Variants in KIAA1217 observed in about 807,000 individuals in gnomAD.
The protein encoded by KIAA1217 is KIAA1217, also known as sickle tail protein homolog.
KIAA1217 carries 88 observed loss-of-function variants against 163.9 expected under a neutral mutation model. That is an observed-to-expected ratio of 0.54 (90% CI 0.45 to 0.64). The LOEUF (loss-of-function observed/expected upper bound fraction) is 0.64. Among genes scored for constraint, KIAA1217 ranks in the 30% least tolerant of loss-of-function variants. The pLI is 0.00. For synonymous variants in KIAA1217, 903 were observed against 923.1 expected (o/e 0.98, Z 0.39); for missense variants, 2,372 against 2,475.0 (o/e 0.96, Z 0.88).
In KIAA1217 at chr10:23,857,656, A is replaced by T. The variant is rs186617776; in HGVS notation, c.-320-149569A>T. 1.4e-3 allele frequency among the ~76,000 whole-genome samples: 220 copies of T among 152,260 alleles called. 1 individual carries two copies. Among genetic ancestry groups the T allele is most frequent in the African/African-American group, 5.2e-3 (214 of 41,550 alleles). ...ATAATAAACGGTTTGCACGCTTTTG[A>T]TGCATAGCTAGTTAGGAAACCACAT... On this transcript the variant is annotated intron_variant, in intron 1 of 18. Transcript: ENST00000376462.
chr10:23,889,823 A>AT lies in KIAA1217; in HGVS notation c.-320-117395dup, dbSNP rs986889230. Among the ~76,000 whole-genome samples the AT allele has an allele frequency of 5.3e-5, 8 of 151,772 alleles. No homozygotes were observed. In the East Asian group the frequency reaches 1.6e-3, roughly 30 times the overall value. ...AAATACAATTAATTTTTGTGCATTG[A>AT]TTTTTTTGCATTATTCAACATTGCT... On this transcript the variant is annotated intron_variant, in intron 1 of 18. Coordinates refer to the KIAA1217 transcript ENST00000376462.
chr10:24,334,496 A>G (rs2046108417), intron 2 of KIAA1217, among the ~76,000 whole-genome samples: 3 of 140,476 alleles, frequency 2.1e-5, no homozygotes, highest in South Asian at 4.8e-4. Context: ...ACTTACTTGA[A>G]TTGGCATTTT....
chr10:24,013,271 G>T (rs533003256), intron 2 of KIAA1217, among the ~76,000 whole-genome samples: 1 of 151,880 alleles, frequency 6.6e-6, no homozygotes, highest in African/African-American at 2.4e-5. Flanking sequence ...GACAAGCTTC[G>T]TTTGGGCATG....
chr10:24,533,120 T>G lies in KIAA1217; in HGVS notation c.3297T>G (p.Tyr1099Ter). The G allele has an allele frequency of 6.2e-7, 1 of 1,613,936 alleles. No homozygotes were observed. The highest frequency in any genetic ancestry group is 8.5e-7 in the Non-Finnish European group (1 of 1,179,974). ...GPSPQTRATKYPAEEPASAWT... is the reference protein window; with the variant it reads ...GPSPQTRATK ...GCCCACAGACCAGAGCTACAAAATA[T>G]CCAGCAGAGGAGCCTGCTTCAGCCT... Residue 1099 changes from tyrosine (Y) to a stop codon, truncating the protein, a stop_gained, in exon 16 of 21, where the codon TAT becomes TAG. Transcript: ENST00000376454. LOFTEE classifies it high-confidence loss of function.
chr10:24,241,051 T>C (rs1213874778), intron 2 of KIAA1217, among the ~76,000 whole-genome samples: 2 of 152,152 alleles, frequency 1.3e-5, no homozygotes, highest in Admixed American at 6.5e-5. Flanking sequence ...TTCACCATGA[T>C]GCCCAGGCTG....
rs150687645 is a variant in KIAA1217 at position 24,511,280 on chromosome 10, C to A, written c.2002-1979C>A. 1.6e-4 allele frequency among the ~76,000 whole-genome samples: 24 copies of A among 151,948 alleles called. No individual in the cohort carries two copies. The East Asian group carries it at 3.7e-3, about 23-fold the overall frequency. On this transcript the variant is annotated intron_variant, in intron 9 of 20. Coordinates refer to ENST00000376454, the MANE Select transcript of KIAA1217 (RefSeq NM_019590.5). Reference sequence around the variant, plus strand: ...CAAGGGAAGCGACCAGATTGCCCAGCGCCTGGAGAATGGGCTGCAGCCAGA... The same window carrying A: ...CAAGGGAAGCGACCAGATTGCCCAGAGCCTGGAGAATGGGCTGCAGCCAGA...
At chr10:24,001,951 C>T (rs1267839130) in intron 1 of KIAA1217, among the ~76,000 whole-genome samples, 2 of 152,052 alleles carry the variant, frequency 1.3e-5, no homozygotes, top group East Asian at 3.9e-4. Context: ...GGGTGTCACA[C>T]ACAGCAAAGC....
At chr10:23,925,244 G>A (rs1842978045) in intron 1 of KIAA1217, among the ~76,000 whole-genome samples, 1 of 152,124 alleles carries the variant, frequency 6.6e-6, no homozygotes, top group Non-Finnish European at 1.5e-5. Context: ...ACAAAGGCTG[G>A]CAATTTCTTG....
chr10:24,057,158 G>T lies in KIAA1217; in HGVS notation c.-171+49784G>T, dbSNP rs189780785. Among the ~76,000 whole-genome samples the T allele has an allele frequency of 1.4e-3, 217 of 152,190 alleles. 1 individual carries two copies. The highest frequency in any genetic ancestry group is 5.0e-3 in the African/African-American group (206 of 41,518). On this transcript the variant is annotated intron_variant, in intron 2 of 18. Transcript: ENST00000376462. ...GCTACTCAGGAGGCTGAGGTGAGAG[G>T]ATTGCTTGAGTCCAAGAGGTGGAGG...
At chr10:24,471,093 A>G (rs141261601) in intron 5 of KIAA1217, among the ~76,000 whole-genome samples, 48 of 152,332 alleles carry the variant, frequency 3.2e-4, no homozygotes, top group Non-Finnish European at 5.6e-4. Context: ...ATAAAGAAGC[A>G]GTTAGTTTGT....
chr10:24,416,447 G>C (rs2058258152), intron 3 of KIAA1217, among the ~76,000 whole-genome samples: 1 of 152,208 alleles, frequency 6.6e-6, no homozygotes, highest in African/African-American at 2.4e-5. Context: ...CTTTGATGCT[G>C]ACGCTTGGGA....
chr10:24,221,531 T>C (rs1454633279), intron 2 of KIAA1217, among the ~76,000 whole-genome samples: 1 of 152,222 alleles, frequency 6.6e-6, no homozygotes, highest in East Asian at 1.9e-4. Context: ...AATTGAAATC[T>C]ATACTTTATT....
intron 2 of KIAA1217, among the ~76,000 whole-genome samples, chr10:24,374,868 C>T (rs1412218000): frequency 6.6e-6 from 1 of 152,128 alleles, no homozygotes; most frequent in Non-Finnish European, 1.5e-5. Flanking sequence ...CTCACTGCAG[C>T]TTCAACCTCG....
intron 2 of KIAA1217, among the ~76,000 whole-genome samples, chr10:24,096,562 C>G (rs931304180): frequency 1.3e-5 from 2 of 152,210 alleles, no homozygotes; most frequent in Admixed American, 1.3e-4. Flanking sequence ...TCCTACCAGG[C>G]TCTGCAGGGT....
intron 1 of KIAA1217, among the ~76,000 whole-genome samples, chr10:23,871,182 C>A (rs147193074): frequency 2.6e-3 from 393 of 152,068 alleles, no homozygotes; most frequent in Middle Eastern, 6.8e-3. Flanking sequence ...ATAGTGTGGC[C>A]TCCTTTCCTA....
chr10:23,958,675 G>A (rs1396241702), intron 1 of KIAA1217, among the ~76,000 whole-genome samples: 1 of 152,128 alleles, frequency 6.6e-6, no homozygotes, highest in Non-Finnish European at 1.5e-5. Flanking sequence ...GAGAGAGAGA[G>A]AGTGAGAGAT....
chr10:23,735,168 A>C (rs1405916924), intron 1 of KIAA1217, among the ~76,000 whole-genome samples: 1 of 152,206 alleles, frequency 6.6e-6, no homozygotes, highest in Non-Finnish European at 1.5e-5. Context: ...TGGGAATAGA[A>C]TTACTAGGGT....
At chr10:24,385,986 C>T (rs928903578) in intron 3 of KIAA1217, among the ~76,000 whole-genome samples, 8 of 152,194 alleles carry the variant, frequency 5.3e-5, no homozygotes, top group African/African-American at 1.2e-4. Flanking sequence ...AGTCGGCCTT[C>T]GGGGAAAGGG....
intron 2 of KIAA1217, among the ~76,000 whole-genome samples, chr10:24,327,513 C>G (rs180671439): frequency 1.3e-5 from 2 of 152,050 alleles, no homozygotes; most frequent in South Asian, 2.1e-4. Context: ...GTTTTTGAGA[C>G]AGGGTCTTGT....
Sources: allele counts gnomAD v4.1 joint callset (sites outside exome capture counted in the v4.1 genomes callset), GRCh38; gene constraint gnomAD v4.1.1; transcripts MANE v1.5; gene names NCBI Gene and HGNC (gene_info 2026-07-23, HGNC 2026-07-21).